LARP4B: variants seen among roughly 807,000 people sequenced by gnomAD.
The protein encoded by LARP4B is la-related protein 4B.
A neutral mutation model predicts 89.8 loss-of-function variants in LARP4B; 12 were observed. The observed-to-expected ratio is 0.13, with a 90% CI of 0.09 to 0.22. The LOEUF is 0.22. Among genes scored for constraint, LARP4B ranks in the 10% least tolerant of loss-of-function variants. LARP4B has a pLI of 1.00. For synonymous variants in LARP4B, 367 were observed against 363.3 expected (o/e 1.01, Z -0.12); for missense variants, 757 against 947.7 (o/e 0.80, Z 2.64).
chr10:862,279 A>AAAAAC lies in LARP4B; in HGVS notation c.430+1463_430+1464insGTTTT, dbSNP rs749904539. On this transcript the variant is annotated intron_variant, in intron 5 of 17. Coordinates refer to ENST00000316157, the MANE Select transcript of LARP4B (RefSeq NM_015155.3). Reference sequence around the variant, plus strand: ...GTTAAAAAAAAAAAAAAAAAAAAAAAAACAACCGTCACAGAACATCTACAC... The same window carrying AAAAAC: ...GTTAAAAAAAAAAAAAAAAAAAAAAAAAAACAACAACCGTCACAGAACATCTACAC... 4.4e-3 allele frequency among the ~76,000 whole-genome samples: 621 copies of AAAAAC among 140,306 alleles called. 2 individuals carry two copies. The highest frequency in any genetic ancestry group is 0.013 in the African/African-American group (509 of 37,874). The allele number at this position is 140,306 out of a possible 152,430, so 92.0% of individuals were successfully genotyped here.
intron 1 of LARP4B, among the ~76,000 whole-genome samples, chr10:912,822 G>A (rs1588984952): frequency 1.3e-5 from 2 of 152,026 alleles, no homozygotes; most frequent in South Asian, 4.1e-4. Flanking sequence ...AGGTTGCAGA[G>A]GTCACTGCAC....
upstream of LARP4B, among the ~76,000 whole-genome samples, chr10:933,942 C>T (rs1375915490): frequency 6.6e-6 from 1 of 151,908 alleles, no homozygotes; most frequent in African/African-American, 2.4e-5. Context: ...AAGTGATTCT[C>T]CTGCCTCAGC....
chr10:940,998 A>T, the LARP4B span, among the ~76,000 whole-genome samples: 1 of 152,204 alleles, frequency 6.6e-6, no homozygotes, highest in Non-Finnish European at 1.5e-5. Context: ...TAAGACGGAC[A>T]GGAGCTCAGA....
intron 5 of LARP4B, among the ~76,000 whole-genome samples, chr10:845,810 G>C (rs1833750857): frequency 6.6e-6 from 1 of 152,170 alleles, no homozygotes; most frequent in African/African-American, 2.4e-5. Flanking sequence ...GAAATGCTAA[G>C]AACTAAGTTT....
chr10:963,463 A>G, the LARP4B span, among the ~76,000 whole-genome samples: 3 of 152,216 alleles, frequency 2.0e-5, no homozygotes, highest in African/African-American at 7.2e-5. Context: ...TGATCAGCAC[A>G]GGGCTGGGCA....
chr10:825,149 G>A lies in LARP4B; in HGVS notation c.1400C>T (p.Pro467Leu), dbSNP rs765216921. 7 of 1,614,204 alleles carry A rather than the reference G, an allele frequency of 4.3e-6. No individual in the cohort carries two copies. The Admixed American group carries it at 5.0e-5, about 12-fold the overall frequency. The change falls in exon 13 of 18, where the codon CCT (proline) becomes CTT (leucine). Residue 467 changes from proline to leucine, a missense_variant. Physicochemically the swap from Pro to Leu is moderately conservative, Grantham distance 98. This residue lies in a region of LARP4B where 387 missense variants were observed against 423.6 expected (regional missense o/e 0.91). Transcript: ENST00000316157. ...AGCCTCTCTCTTGGCATATGCTGAAGGGTTTTGAATCCGTGTTCTAGTTTG... is the reference window on the plus strand; with the variant it reads ...AGCCTCTCTCTTGGCATATGCTGAAAGGTTTTGAATCCGTGTTCTAGTTTG... The part of the protein sequence containing the change: ...AGQTRTRIQN[P>L]SAYAKREAGP...
intron 1 of LARP4B, among the ~76,000 whole-genome samples, chr10:930,072 T>C (rs1837257101): frequency 6.6e-6 from 1 of 151,268 alleles, no homozygotes; most frequent in African/African-American, 2.4e-5. Flanking sequence ...GCCAGGCAGG[T>C]TGGGGAAGTA....
chr10:825,112 A>G lies in LARP4B; in HGVS notation c.1437T>C (p.Arg479=). 1 of 1,614,200 alleles carries G rather than the reference A, an allele frequency of 6.2e-7. No homozygotes were observed. Among genetic ancestry groups the G allele is most frequent in the Non-Finnish European group, 8.5e-7 (1 of 1,180,030 alleles). ...AYAKREAGPG[R]VEPGSLESSP... Reference sequence around the variant, plus strand: ...AGGATTCGAGACTGCCTGGCTCCACACGCCCAGGCCCAGCCTCTCTCTTGG... The same window carrying G: ...AGGATTCGAGACTGCCTGGCTCCACGCGCCCAGGCCCAGCCTCTCTCTTGG... Residue 479 remains arginine, a synonymous_variant, in exon 13 of 18, where the codon CGT becomes CGC. Coordinates refer to ENST00000316157, the MANE Select transcript of LARP4B (RefSeq NM_015155.3).
the LARP4B span, among the ~76,000 whole-genome samples, chr10:978,372 T>C: frequency 1.3e-5 from 2 of 152,240 alleles, no homozygotes; most frequent in Non-Finnish European, 2.9e-5. Flanking sequence ...ACATTAAAGT[T>C]ATCTTTATGA....
intron 9 of LARP4B, 64 bp downstream of exon 9, chr10:830,803 C>A: frequency 2.7e-6 from 2 of 738,446 alleles, no homozygotes. Context: ...TTAGTCCCAA[C>A]ATGCACTAAT....
At position 913,064 on chromosome 10, in the gene LARP4B, T is replaced by C. The variant is rs12264328; in HGVS notation, c.-40+18364A>G. Among the ~76,000 whole-genome samples the C allele has an allele frequency of 3.0e-3, 438 of 145,646 alleles. 3 individuals carry two copies. Among genetic ancestry groups the C allele is most frequent in the African/African-American group, 0.01 (416 of 40,290 alleles). On this transcript the variant is annotated intron_variant, in intron 1 of 17. Coordinates refer to ENST00000316157, the MANE Select transcript of LARP4B (RefSeq NM_015155.3). ...TGCTTTTCCTGGCAATTCCTGACTA[T>C]CCCTTTTTGATTCAACAAATAATAG...
rs746180244 is a variant in LARP4B, at chr10:823,451, C to T, written c.1484+1614G>A. 2.6e-5 allele frequency among the ~76,000 whole-genome samples: 4 copies of T among 152,304 alleles called. No individual in the cohort carries two copies. In the South Asian group the frequency reaches 8.3e-4, roughly 32 times the overall value. On this transcript the variant is annotated intron_variant, in intron 13 of 17. Transcript: ENST00000316157. Reference sequence around the variant, plus strand: ...TGGGTAGACCACATTCGTCAGCAAGCTTTGGACTCTCAGCTTCAAAGCCAC... The same window carrying T: ...TGGGTAGACCACATTCGTCAGCAAGTTTTGGACTCTCAGCTTCAAAGCCAC...
intron 1 of LARP4B, among the ~76,000 whole-genome samples, chr10:892,934 A>G (rs1836078285): frequency 7.1e-6 from 1 of 140,324 alleles, no homozygotes; most frequent in Non-Finnish European, 1.5e-5. Context: ...TTTTAAATAC[A>G]GAGTCTTGCT....
intron 1 of LARP4B, among the ~76,000 whole-genome samples, chr10:912,101 G>A (rs888715352): frequency 3.3e-5 from 5 of 152,208 alleles, no homozygotes; most frequent in African/African-American, 9.7e-5. Flanking sequence ...GAAGCTCTGC[G>A]TGGCAGGTGT....
At chr10:844,862 C>T (rs1833697946) in intron 6 of LARP4B, 115 bp downstream of exon 6, 9 of 690,088 alleles carry the variant, frequency 1.3e-5, no homozygotes, top group Non-Finnish European at 2.2e-5. Flanking sequence ...TCTTCATATA[C>T]ATATATATGG....
chr10:814,810 C>A lies in LARP4B; in HGVS notation c.1861G>T (p.Val621Leu). 1 of 1,601,100 alleles carries A rather than the reference C, an allele frequency of 6.2e-7. No individual in the cohort carries two copies. Among genetic ancestry groups the A allele is most frequent in the South Asian group, 1.1e-5 (1 of 90,294 alleles). Reference protein sequence around the residue: ...VAEKQRETHSVDRLPSALTAT... With the variant: ...VAEKQRETHSLDRLPSALTAT... ...GTGAGGGCGGAAGGAAGTCTGTCCACACTGTGGGTTTCCCTCTGTTTCTCC... is the reference window on the plus strand; with the variant it reads ...GTGAGGGCGGAAGGAAGTCTGTCCAAACTGTGGGTTTCCCTCTGTTTCTCC... Residue 621 changes from valine (V) to leucine (L), a missense_variant, in exon 17 of 18, where the codon GTG becomes TTG. This residue lies in a region of LARP4B where 387 missense variants were observed against 423.6 expected (regional missense o/e 0.91). Transcript: ENST00000316157. This position sits in a 1 kb window ranked among gnomAD's most constrained non-coding sequence, Gnocchi z 4.4.
At chr10:949,082 T>C in the LARP4B span, among the ~76,000 whole-genome samples, 2 of 152,254 alleles carry the variant, frequency 1.3e-5, no homozygotes, top group African/African-American at 4.8e-5. Context: ...GCCAACCCGT[T>C]TTCCAGGTGG....
At chr10:973,119 C>G in the LARP4B span, 1 of 355,706 alleles carries the variant, frequency 2.8e-6, no homozygotes, top group Non-Finnish European at 5.5e-6. Context: ...TAAAGGAGCT[C>G]TGGTCTGGTG....
At chr10:836,563 G>A in intron 7 of LARP4B, 57 bp from the exon 8 acceptor site, 2 of 1,114,008 alleles carry the variant, frequency 1.8e-6, no homozygotes, top group South Asian at 2.5e-5. Context: ...TGATATGCCA[G>A]TGGAATGTGT....
Sources: allele counts gnomAD v4.1 joint callset (sites outside exome capture counted in the v4.1 genomes callset), GRCh38; gene constraint gnomAD v4.1.1; regional missense constraint gnomAD v4.1.1; non-coding constraint Gnocchi (gnomAD v3.1); transcripts MANE v1.5; gene names NCBI Gene and HGNC (gene_info 2026-07-23, HGNC 2026-07-21).